CNTN4: variants seen among roughly 807,000 people sequenced by gnomAD.
The protein encoded by CNTN4 is contactin-4.
A neutral mutation model predicts 122.5 loss-of-function variants in CNTN4; 77 were observed. The observed-to-expected ratio is 0.63, with a 90% CI of 0.52 to 0.76. CNTN4 has a LOEUF of 0.76. Ranked by LOEUF, CNTN4 falls within the 30% of genes least tolerant of loss-of-function variation. The pLI, the probability that CNTN4 is intolerant of heterozygous loss-of-function variation, is 0.00. For synonymous variants in CNTN4, 512 were observed against 447.0 expected (o/e 1.15, Z -1.83); for missense variants, 1,256 against 1,259.1 (o/e 1.00, Z 0.04).
chr3:2,562,628 G>A (rs536748712), intron 3 of CNTN4, among the ~76,000 whole-genome samples: 6 of 151,852 alleles, frequency 4.0e-5, no homozygotes, highest in African/African-American at 7.3e-5. Flanking sequence ...ATCCACCATC[G>A]ATGGGCACGT....
At chr3:3,036,903 A>AACACATGTGAAGGGGTG (rs1437457919) in intron 17 of CNTN4, among the ~76,000 whole-genome samples, 1 of 152,236 alleles carries the variant, frequency 6.6e-6, no homozygotes, top group Non-Finnish European at 1.5e-5. Flanking sequence ...GGGTGATAGT[A>AACACATGTGAAGGGGTG]ATGATTGAGT....
At chr3:2,798,366 A>ATCTATCTCTCT (rs57013365) in intron 6 of CNTN4, among the ~76,000 whole-genome samples, 1 of 135,374 alleles carries the variant, frequency 7.4e-6, no homozygotes, top group Non-Finnish European at 1.6e-5. Context: ...TACACACATA[A>ATCTATCTCTCT]ATCTATCTAT....
intron 3 of CNTN4, among the ~76,000 whole-genome samples, chr3:2,474,810 G>A (rs1392947710): frequency 6.6e-6 from 1 of 152,094 alleles, no homozygotes; most frequent in African/African-American, 2.4e-5. Context: ...ATCTCAGGTA[G>A]TTTATATTTG....
chr3:2,635,477 G>A (rs1322798481), intron 4 of CNTN4, among the ~76,000 whole-genome samples: 1 of 152,110 alleles, frequency 6.6e-6, no homozygotes. Context: ...AAACATTCAT[G>A]CATCTCTATC....
chr3:2,322,694 G>C (rs2043312677), intron 2 of CNTN4, among the ~76,000 whole-genome samples: 1 of 152,056 alleles, frequency 6.6e-6, no homozygotes, highest in African/African-American at 2.4e-5. Context: ...CATTATGTTA[G>C]CTCTCCACAA....
At chr3:2,960,513 C>T (rs998072219) in intron 13 of CNTN4, among the ~76,000 whole-genome samples, 7 of 152,088 alleles carry the variant, frequency 4.6e-5, no homozygotes, top group Non-Finnish European at 1.0e-4. Context: ...TAAAATAAAA[C>T]ATTTAGACCT....
At chr3:2,968,746 G>C (rs1452794137) in intron 13 of CNTN4, among the ~76,000 whole-genome samples, 3 of 152,178 alleles carry the variant, frequency 2.0e-5, no homozygotes, top group Non-Finnish European at 4.4e-5. Flanking sequence ...TTATAGACTG[G>C]TGAGGAGACA....
intron 3 of CNTN4, chr3:2,511,250 C>G (rs1294847496): frequency 1.3e-5 from 2 of 152,208 alleles, no homozygotes; most frequent in African/African-American, 4.8e-5. Context: ...GCCTTAATCT[C>G]CATCCCTCCC....
At chr3:2,773,762 C>CTTTTTTTTTTTTTTTTTTTTTT (rs1234334638) in intron 6 of CNTN4, among the ~76,000 whole-genome samples, 2 of 107,544 alleles carry the variant, frequency 1.9e-5, no homozygotes, top group African/African-American at 6.9e-5. Flanking sequence ...ATGTAGTAGA[C>CTTTTTTTTTTTTTTTTTTTTTT]TTTTTTTTTT....
intron 4 of CNTN4, among the ~76,000 whole-genome samples, chr3:2,677,253 A>G (rs2084908986): frequency 1.3e-5 from 2 of 150,832 alleles, no homozygotes; most frequent in East Asian, 1.9e-4. Flanking sequence ...CTATATATCT[A>G]TACATCTATG....
chr3:2,343,173 A>G (rs575232640), intron 3 of CNTN4, among the ~76,000 whole-genome samples: 3 of 152,190 alleles, frequency 2.0e-5, no homozygotes, highest in Non-Finnish European at 4.4e-5. Context: ...GAGGCAGGGT[A>G]AACCTAAGGG....
At chr3:2,166,669 CTGT>C (rs987306662) in intron 2 of CNTN4, among the ~76,000 whole-genome samples, 4 of 152,024 alleles carry the variant, frequency 2.6e-5, no homozygotes, top group African/African-American at 9.7e-5. Context: ...AATCTAGGTG[CTGT>C]GTGTATGTTG....
At chr3:2,136,356 T>G (rs2034691562) in intron 2 of CNTN4, among the ~76,000 whole-genome samples, 1 of 152,214 alleles carries the variant, frequency 6.6e-6, no homozygotes, top group Non-Finnish European at 1.5e-5. Context: ...TTTGTGTTGT[T>G]TCTTTCACTA....
intron 4 of CNTN4, among the ~76,000 whole-genome samples, chr3:2,584,774 T>G (rs1018553361): frequency 6.6e-6 from 1 of 151,278 alleles, no homozygotes; most frequent in African/African-American, 2.4e-5. Flanking sequence ...AATAATTGTT[T>G]GCATTTAAGG....
At chr3:3,012,047 A>C (rs906441686) in intron 14 of CNTN4, among the ~76,000 whole-genome samples, 5 of 152,174 alleles carry the variant, frequency 3.3e-5, no homozygotes, top group Non-Finnish European at 7.4e-5. Context: ...TCCCACAATC[A>C]GTCAACTAGT....
chr3:2,399,748 G>A (rs1559519162), intron 3 of CNTN4, among the ~76,000 whole-genome samples: 1 of 151,846 alleles, frequency 6.6e-6, no homozygotes, highest in African/African-American at 2.4e-5. Context: ...TTCTAGTTTG[G>A]GTTAATAATG....
chr3:2,128,131 C>G (rs188778453), intron 2 of CNTN4, among the ~76,000 whole-genome samples: 1 of 152,272 alleles, frequency 6.6e-6, no homozygotes, highest in Admixed American at 6.5e-5. Flanking sequence ...ATTATACAGT[C>G]AGGGCTTTAT....
chr3:2,800,311 C>A (rs2150052704), intron 6 of CNTN4, among the ~76,000 whole-genome samples: 1 of 152,072 alleles, frequency 6.6e-6, no homozygotes, highest in Non-Finnish European at 1.5e-5. Flanking sequence ...TTTCTTCTTT[C>A]TTCTCTCAAA....
intron 3 of CNTN4, among the ~76,000 whole-genome samples, chr3:2,352,157 C>A (rs1353594236): frequency 2.0e-5 from 3 of 152,054 alleles, no homozygotes; most frequent in African/African-American, 7.2e-5. Context: ...TTGGGAGGCC[C>A]AGGTGGGTGG....
Sources: allele counts gnomAD v4.1 joint callset (sites outside exome capture counted in the v4.1 genomes callset), GRCh38; gene constraint gnomAD v4.1.1; transcripts MANE v1.5; gene names NCBI Gene and HGNC (gene_info 2026-07-23, HGNC 2026-07-21).